TIMP2: variants seen among roughly 807,000 people sequenced by gnomAD.
TIMP2 encodes the protein TIMP metallopeptidase inhibitor 2.
TIMP2 carries 5 observed loss-of-function variants against 24.3 expected under a neutral mutation model. The observed-to-expected ratio is 0.21, with a 90% CI of 0.11 to 0.43. TIMP2 has a LOEUF of 0.43. Ranked by LOEUF, TIMP2 falls within the 20% of genes least tolerant of loss-of-function variation. The pLI, the probability that TIMP2 is intolerant of heterozygous loss-of-function variation, is 1.00. For synonymous variants in TIMP2, 130 were observed against 123.2 expected, an observed-to-expected ratio of 1.06 and a Z score of -0.37; for missense variants, 221 against 297.5, an observed-to-expected ratio of 0.74 and a Z score of 1.89.
At chr17:78,897,019 G>C (rs2070012146) in intron 1 of TIMP2, 4 of 985,226 alleles carry the variant, frequency 4.1e-6, no homozygotes, top group Non-Finnish European at 4.8e-6. Context: ...CGCTCAGACA[G>C]CTTTTCAGCC....
intron 4 of TIMP2, chr17:78,856,746 A>G (rs1384364): frequency 0.87 from 132,927 of 152,246 alleles, 58,395 homozygotes; most frequent in African/African-American, 0.97. Flanking sequence ...GTGTTCAGGT[A>G]TTCTCAACAC....
rs118048577 is a variant in TIMP2 at position 78,892,009 on chromosome 17, C to T, written c.131-18090G>A. 182 of 1,550,712 alleles carry T rather than the reference C, an allele frequency of 1.2e-4. No homozygotes were observed. The East Asian group carries it at 3.0e-3, about 25-fold the overall frequency. Reference sequence around the variant, plus strand: ...GGGCTGCTCTATGCTTCTCCTTGGCCCTCGGGGGCCTGGCTGATCTTCGCT... The same window carrying T: ...GGGCTGCTCTATGCTTCTCCTTGGCTCTCGGGGGCCTGGCTGATCTTCGCT... On this transcript the variant is annotated intron_variant, in intron 1 of 4. Transcript: ENST00000262768.
intron 1 of TIMP2, chr17:78,922,155 C>T (rs969466228): frequency 6.6e-6 from 1 of 152,362 alleles, no homozygotes; most frequent in East Asian, 1.9e-4. Flanking sequence ...AAGAATCTTC[C>T]AGGCAATTCT....
At position 78,855,884 on chromosome 17, in the gene TIMP2, G is replaced by A. The variant is rs1218268894; in HGVS notation, c.466-20C>T. 2 of 1,613,278 alleles carry A rather than the reference G, an allele frequency of 1.2e-6. No individual in the cohort carries two copies. Among genetic ancestry groups the A allele is most frequent in the Non-Finnish European group, 8.5e-7 (1 of 1,179,720 alleles). ...CGTGATCTGGGGAGGGGCACACGGA[G>A]GGGGACGGAGTCAGGGACCCAGGAA... On this transcript the variant is annotated intron_variant, in intron 4 of 4. Coordinates refer to ENST00000262768, the MANE Select transcript of TIMP2 (RefSeq NM_003255.5). This position sits in a 1 kb window ranked among gnomAD's most constrained non-coding sequence, Gnocchi z 6.0.
rs1453391870 is a variant in TIMP2, at chr17:78,924,010, G to T, written c.130+949C>A. On this transcript the variant is annotated intron_variant, in intron 1 of 4. Transcript: ENST00000262768. This position sits in a 1 kb window ranked among gnomAD's most constrained non-coding sequence, Gnocchi z 5.3. ...GACCACCTGCCGTGTAGCCAGACTT[G>T]CCCCAGGAAAACCATGCTGACCAGC... 6.6e-6 allele frequency among the ~76,000 whole-genome samples: 1 copy of T among 152,204 alleles called. No individual in the cohort carries two copies. The highest frequency in any genetic ancestry group is 1.5e-5 in the Non-Finnish European group (1 of 68,036).
In TIMP2 at chr17:78,924,896, C is replaced by T; in HGVS notation, c.130+63G>A. On this transcript the variant is annotated intron_variant, in intron 1 of 4. Transcript: ENST00000262768. This position sits in a 1 kb window ranked among gnomAD's most constrained non-coding sequence, Gnocchi z 5.3. ...CAGCGGCGGGCGGGCGGGGCGTCTG[C>T]GAACCCTCGGGGTCGCGGGGGAGGT... 9.3e-7 allele frequency: 1 copy of T among 1,071,476 alleles called. No individual in the cohort carries two copies. The allele number at this position is 1,071,476 out of a possible 1,614,324, so 66.4% of individuals were successfully genotyped here.
intron 1 of TIMP2, among the ~76,000 whole-genome samples, chr17:78,912,157 C>A (rs182005599): frequency 1.3e-3 from 191 of 152,304 alleles, no homozygotes; most frequent in Non-Finnish European, 1.1e-3. Flanking sequence ...GGCACACAGT[C>A]GGGATTCAGA....
chr17:78,897,009 C>T (rs1309464983), intron 1 of TIMP2: 6 of 985,244 alleles, frequency 6.1e-6, no homozygotes, highest in African/African-American at 5.2e-5. Context: ...CCTGGGCGGC[C>T]GCTCAGACAG....
chr17:78,896,027 G>A lies in TIMP2; in HGVS notation c.131-22108C>T, dbSNP rs1568002134. ...GCAGCGTCAGTTTTCCTGGAGACACGCAAACGGGTAAAAACTTAACACATT... is the reference window on the plus strand; with the variant it reads ...GCAGCGTCAGTTTTCCTGGAGACACACAAACGGGTAAAAACTTAACACATT... On this transcript the variant is annotated intron_variant, in intron 1 of 4. Coordinates refer to ENST00000262768, the MANE Select transcript of TIMP2 (RefSeq NM_003255.5). This position sits in a 1 kb window ranked among gnomAD's most constrained non-coding sequence, Gnocchi z 4.4. Among the ~76,000 whole-genome samples the A allele has an allele frequency of 1.3e-5, 2 of 152,216 alleles. No individual in the cohort carries two copies. Among genetic ancestry groups the A allele is most frequent in the Non-Finnish European group, 2.9e-5 (2 of 68,036 alleles).
intron 1 of TIMP2, among the ~76,000 whole-genome samples, chr17:78,876,984 C>T (rs934343631): frequency 6.6e-6 from 1 of 152,164 alleles, no homozygotes; most frequent in Non-Finnish European, 1.5e-5. Flanking sequence ...ATCTCTTTTC[C>T]ATCCTGCTGT....
chr17:78,881,848 C>T lies in TIMP2; in HGVS notation c.131-7929G>A, dbSNP rs571492843. Among the ~76,000 whole-genome samples, 11 of 152,338 alleles carry T rather than the reference C, an allele frequency of 7.2e-5. No homozygotes were observed. In the South Asian group the frequency reaches 8.3e-4, roughly 11 times the overall value. On this transcript the variant is annotated intron_variant, in intron 1 of 4. Transcript: ENST00000262768. Reference sequence around the variant, plus strand: ...CACCCTCAAATCACACAGTTAGTAACGCCCTTGCTAACATCTGTAACTATA... The same window carrying T: ...CACCCTCAAATCACACAGTTAGTAATGCCCTTGCTAACATCTGTAACTATA...
chr17:78,870,466 A>G (rs991231066), intron 3 of TIMP2, among the ~76,000 whole-genome samples: 6 of 151,840 alleles, frequency 4.0e-5, no homozygotes, highest in Admixed American at 6.6e-5. Flanking sequence ...GTTAATTAAC[A>G]TGGCTACATT....
In TIMP2 at chr17:78,893,381, GTGCAGGGGTGTGTA is replaced by G. The variant is rs1332743752; in HGVS notation, c.131-19476_131-19463del. ...TGTGCAGGGGTGTGTAGGAGTGTGT[GTGCAGGGGTGTGTA>G]TGCAGGGGTGTGTGTGCATAGGGGT... On this transcript the variant is annotated intron_variant, in intron 1 of 4. Coordinates refer to ENST00000262768, the MANE Select transcript of TIMP2 (RefSeq NM_003255.5). 3.5e-4 allele frequency among the ~76,000 whole-genome samples: 50 copies of G among 143,014 alleles called. No individual in the cohort carries two copies. In the East Asian group the frequency reaches 9.9e-3, roughly 28 times the overall value. The allele number at this position is 143,014 out of a possible 152,430, so 93.8% of individuals were successfully genotyped here. A position where few individuals can be genotyped will look rare whatever the true frequency, so the allele number is the denominator to read the frequency against.
intron 1 of TIMP2, among the ~76,000 whole-genome samples, chr17:78,886,669 C>G (rs1189250907): frequency 1.3e-5 from 2 of 152,108 alleles, no homozygotes; most frequent in Admixed American, 1.3e-4. Flanking sequence ...GCAACCCTAG[C>G]CCATGACATT....
rs770811442 is a variant in TIMP2 at position 78,891,880 on chromosome 17, T to G, written c.131-17961A>C. The G allele has an allele frequency of 2.6e-6, 4 of 1,550,526 alleles. No individual in the cohort carries two copies. In the South Asian group the frequency reaches 4.8e-5, roughly 18 times the overall value. On this transcript the variant is annotated intron_variant, in intron 1 of 4. Transcript: ENST00000262768. The surrounding 1 kb of genome is among the most constrained non-coding windows in gnomAD (Gnocchi z 4.5). Reference sequence around the variant, plus strand: ...GGTGAGAATTCATCCGACCCGTGGCTTTTGTAGTCTGTGGTTTCTCTGGAC... The same window carrying G: ...GGTGAGAATTCATCCGACCCGTGGCGTTTGTAGTCTGTGGTTTCTCTGGAC...
chr17:78,922,754 G>A (rs763180846), intron 1 of TIMP2, among the ~76,000 whole-genome samples: 11 of 152,160 alleles, frequency 7.2e-5, no homozygotes, highest in Admixed American at 2.0e-4. Context: ...AGGAGGCGGA[G>A]GCTGCAGCGA....
chr17:78,906,014 T>C lies in TIMP2; in HGVS notation c.130+18945A>G, dbSNP rs1006770351. 5.9e-5 allele frequency among the ~76,000 whole-genome samples: 9 copies of C among 152,382 alleles called. 1 individual carries two copies. In the South Asian group the frequency reaches 1.9e-3, roughly 32 times the overall value. On this transcript the variant is annotated intron_variant, in intron 1 of 4. Coordinates refer to ENST00000262768, the MANE Select transcript of TIMP2 (RefSeq NM_003255.5). Reference sequence around the variant, plus strand: ...CCAAATATAAATGTTATGTTTACATTGTACAGTAGCCCAGTAAGTGTGCAA... The same window carrying C: ...CCAAATATAAATGTTATGTTTACATCGTACAGTAGCCCAGTAAGTGTGCAA...
At chr17:78,918,540 G>T (rs2070283118) in intron 1 of TIMP2, among the ~76,000 whole-genome samples, 1 of 152,206 alleles carries the variant, frequency 6.6e-6, no homozygotes, top group East Asian at 1.9e-4. Flanking sequence ...GGGAAGTCTG[G>T]GTCTGCCCGC....
intron 2 of TIMP2, among the ~76,000 whole-genome samples, chr17:78,871,908 C>A (rs920205413): frequency 2.0e-5 from 3 of 151,974 alleles, no homozygotes; most frequent in South Asian, 2.1e-4. Flanking sequence ...TGTTCCCTCA[C>A]CCCCCACCCC....
Sources: gnomAD v4.1 joint callset for allele counts (sites outside exome capture counted in the v4.1 genomes callset) on GRCh38, gnomAD v4.1.1 for gene constraint, Gnocchi (gnomAD v3.1) non-coding constraint, MANE v1.5 for transcripts, NCBI Gene and HGNC (gene_info 2026-07-23, HGNC 2026-07-21) for gene names.